SCP2: variants seen among roughly 807,000 people sequenced by gnomAD.
SCP2 encodes the protein SCP-2/3-oxoacyl-CoA thiolase.
Under a neutral mutation model 71.4 loss-of-function variants are expected in SCP2, and 48 were observed. That is an observed-to-expected ratio of 0.67 (90% confidence interval 0.53 to 0.86). The LOEUF (loss-of-function observed/expected upper bound fraction) is 0.86. Ranked by LOEUF, SCP2 falls within the 40% of genes least tolerant of loss-of-function variation. The pLI, the probability that SCP2 is intolerant of heterozygous loss-of-function variation, is 0.00. For missense variants in SCP2, 560 were observed against 655.6 expected, an observed-to-expected ratio of 0.85 and a Z score of 1.59; for synonymous variants, 220 against 218.1, an observed-to-expected ratio of 1.01 and a Z score of -0.08.
intron 1 of SCP2, among the ~76,000 whole-genome samples, chr1:52,936,847 T>G (rs1348527777): frequency 6.6e-6 from 1 of 151,832 alleles, no homozygotes; most frequent in East Asian, 1.9e-4. Context: ...ATGGAGGAGT[T>G]TCTGGGGTGG....
chr1:53,037,041 G>T (rs1662998876), intron 13 of SCP2, among the ~76,000 whole-genome samples: 1 of 152,080 alleles, frequency 6.6e-6, no homozygotes, highest in African/African-American at 2.4e-5. Context: ...GAAGGCTGAG[G>T]CAAGAGAATC....
At chr1:52,947,607 A>C (rs1260688791) in intron 2 of SCP2, among the ~76,000 whole-genome samples, 1 of 152,128 alleles carries the variant, frequency 6.6e-6, no homozygotes, top group Non-Finnish European at 1.5e-5. Flanking sequence ...TTTTCTTTGT[A>C]AGATGAGCAC....
At chr1:53,005,935 T>TG (rs1660614166) in intron 11 of SCP2, among the ~76,000 whole-genome samples, 1 of 152,120 alleles carries the variant, frequency 6.6e-6, no homozygotes, top group African/African-American at 2.4e-5. Context: ...AGACCTTAAA[T>TG]GACCTGATGG....
chr1:53,039,201 A>G (rs1663243973), intron 14 of SCP2, among the ~76,000 whole-genome samples, 155 bp downstream of exon 14: 2 of 152,166 alleles, frequency 1.3e-5, no homozygotes, highest in Non-Finnish European at 2.9e-5. Flanking sequence ...GGTCAAAGCC[A>G]CCTCCTCCCA....
At chr1:53,015,381 T>C (rs1436002650) in intron 12 of SCP2, among the ~76,000 whole-genome samples, 2 of 152,210 alleles carry the variant, frequency 1.3e-5, no homozygotes, top group African/African-American at 4.8e-5. Context: ...AGGGAGTCAC[T>C]AAATGTGCTG....
At chr1:53,031,137 T>TA (rs530186192) in intron 13 of SCP2, among the ~76,000 whole-genome samples, 48 of 149,754 alleles carry the variant, frequency 3.2e-4, no homozygotes, top group South Asian at 1.5e-3. Flanking sequence ...CTATTCCATC[T>TA]AAAAAAAAAA....
rs776484889 is a variant in SCP2, at chr1:52,980,491, C to G, written c.921C>G (p.Cys307Trp). The G allele has an allele frequency of 6.2e-7, 1 of 1,614,006 alleles. No homozygotes were observed. The highest frequency in any genetic ancestry group is 8.5e-7 in the Non-Finnish European group (1 of 1,179,870). Residue 307 changes from cysteine (C) to tryptophan (W), a missense_variant, in exon 10 of 16, where the codon TGC (cysteine) becomes TGG (tryptophan). Around this residue, in one of 3 missense-constraint regions of SCP2, gnomAD observed 513 missense variants for 573.1 expected, o/e 0.90. Coordinates refer to ENST00000371514, the MANE Select transcript of SCP2 (RefSeq NM_002979.5). The stretch of plus-strand genomic sequence containing the variant: ...TTGACGTAATAGAACTTCACGATTG[C>G]TTTTCTACCAACGAACTCCTTACTT... ...NDIDVIELHD[C>W]FSTNELLTYE...
At chr1:53,040,145 G>A (rs1038950726) in intron 14 of SCP2, among the ~76,000 whole-genome samples, 23 of 152,138 alleles carry the variant, frequency 1.5e-4, no homozygotes, top group Admixed American at 9.8e-4. Context: ...CGGTCTCCCC[G>A]ATTCTGTTCT....
intron 5 of SCP2, among the ~76,000 whole-genome samples, chr1:52,957,998 A>T (rs889957615): frequency 6.6e-6 from 1 of 152,146 alleles, no homozygotes; most frequent in Admixed American, 6.5e-5. Context: ...GTGGATGTCC[A>T]GTTGTCCTAG....
intron 1 of SCP2, among the ~76,000 whole-genome samples, chr1:52,929,361 T>A (rs112248129): frequency 0.051 from 7,777 of 151,668 alleles, 609 homozygotes; most frequent in African/African-American, 0.17. Flanking sequence ...TAAAAAAAAA[T>A]TTTTTTTGTA....
intron 11 of SCP2, among the ~76,000 whole-genome samples, chr1:53,003,120 G>A (rs1453034025): frequency 6.6e-6 from 1 of 152,136 alleles, no homozygotes; most frequent in African/African-American, 2.4e-5. Flanking sequence ...CTCTATCTGT[G>A]CCAGGACAAA....
At chr1:53,026,089 AG>A (rs1662111406) in intron 12 of SCP2, among the ~76,000 whole-genome samples, 1 of 152,034 alleles carries the variant, frequency 6.6e-6, no homozygotes, top group Admixed American at 6.6e-5. Flanking sequence ...TCCTTCCTAA[AG>A]TAGGTTCCTT....
At chr1:53,039,378 T>C (rs1663259165) in intron 14 of SCP2, among the ~76,000 whole-genome samples, 1 of 152,232 alleles carries the variant, frequency 6.6e-6, no homozygotes. Flanking sequence ...AAATGGCCCC[T>C]TTTCATAAGG....
chr1:53,032,836 A>C (rs1365991912), intron 13 of SCP2, among the ~76,000 whole-genome samples: 1 of 152,190 alleles, frequency 6.6e-6, no homozygotes, highest in African/African-American at 2.4e-5. Context: ...TAATGAGCTA[A>C]TACTAATGTC....
At chr1:52,964,750 C>T (rs955357543) in intron 6 of SCP2, among the ~76,000 whole-genome samples, 1 of 152,092 alleles carries the variant, frequency 6.6e-6, no homozygotes, top group African/African-American at 2.4e-5. Flanking sequence ...TGCTGTGGCT[C>T]ACGCCTGTAA....
At chr1:53,047,352 T>C (rs1175607608) in intron 14 of SCP2, among the ~76,000 whole-genome samples, 1 of 152,230 alleles carries the variant, frequency 6.6e-6, no homozygotes, top group Non-Finnish European at 1.5e-5. Flanking sequence ...AGTCACAGGT[T>C]CTACTCACAC....
intron 6 of SCP2, among the ~76,000 whole-genome samples, chr1:52,964,904 C>T (rs1232088051): frequency 2.6e-5 from 4 of 152,046 alleles, no homozygotes; most frequent in Admixed American, 2.0e-4. Flanking sequence ...GTCCCAGCTA[C>T]TCGGGAGGCT....
rs1663100275 is a variant in SCP2 at position 53,037,917 on chromosome 1, C to CACAT, written c.1339-997_1339-996insTACA. 3.9e-3 allele frequency among the ~76,000 whole-genome samples: 453 copies of CACAT among 117,376 alleles called. 7 individuals carry two copies. Among genetic ancestry groups the CACAT allele is most frequent in the African/African-American group, 0.018 (422 of 23,902 alleles). The allele number at this position is 117,376 out of a possible 152,430, so 77.0% of individuals were successfully genotyped here. A position where few individuals can be genotyped will look rare whatever the true frequency, so the allele number is the denominator to read the frequency against. ...ACACACACACACACACACACACACA[C>CACAT]ACACACACACACAGATCCAGATCCT... On this transcript the variant is annotated intron_variant, in intron 13 of 15. Transcript: ENST00000371514.
rs531513150 is a variant in SCP2, at chr1:52,992,762, A to G, written c.1081+4626A>G. Among the ~76,000 whole-genome samples, 5 of 152,334 alleles carry G rather than the reference A, an allele frequency of 3.3e-5. No homozygotes were observed. The South Asian group carries it at 1.0e-3, about 32-fold the overall frequency. ...AAGGTTAACAAAGGCTGACATTGAA[A>G]TGTTTAAAGATAGGCAAAAATTCAC... is the stretch of plus-strand genomic sequence containing the variant. On this transcript the variant is annotated intron_variant, in intron 11 of 15. Transcript: ENST00000371514.
Sources: gnomAD v4.1 joint callset for allele counts (sites outside exome capture counted in the v4.1 genomes callset) on GRCh38, gnomAD v4.1.1 for gene constraint, gnomAD v4.1.1 regional missense constraint, MANE v1.5 for transcripts, NCBI Gene and HGNC (gene_info 2026-07-23, HGNC 2026-07-21) for gene names.